The following LARGE1 variants were observed in gnomAD, a reference collection of about 807,000 sequenced individuals.
The protein encoded by LARGE1 is LARGE xylosyl- and glucuronyltransferase 1, also known as xylosyl- and glucuronyltransferase LARGE1.
In LARGE1, 43 loss-of-function variants were observed where a neutral mutation model predicts 87.6. The observed-to-expected ratio is 0.49, with a 90% confidence interval of 0.38 to 0.63. The LOEUF is 0.63. LARGE1 is among the 30% of genes least tolerant of loss of function. The probability of loss-of-function intolerance (pLI) is 0.00; values close to 1 mark genes in which losing one functional copy is unlikely to be tolerated. For synonymous variants in LARGE1, 434 were observed against 394.6 expected (o/e 1.10, Z -1.18); for missense variants, 802 against 1,000.2 (o/e 0.80, Z 2.67).
At chr22:33,611,761 C>CA (rs1362180730) in intron 4 of LARGE1, among the ~76,000 whole-genome samples, 1 of 152,188 alleles carries the variant, frequency 6.6e-6, no homozygotes, top group Admixed American at 6.5e-5. Context: ...TTCCCCCACT[C>CA]AAATCTCATG....
At chr22:33,697,589 G>A (rs1603190841) in intron 2 of LARGE1, among the ~76,000 whole-genome samples, 1 of 127,864 alleles carries the variant, frequency 7.8e-6, no homozygotes, top group Non-Finnish European at 1.6e-5. Context: ...ATCTCTTTCT[G>A]TTGAAGCTCA....
intron 11 of LARGE1, among the ~76,000 whole-genome samples, chr22:33,266,972 G>A (rs2145766485): frequency 1.3e-5 from 2 of 151,868 alleles, no homozygotes; most frequent in South Asian, 4.1e-4. Flanking sequence ...AGTCACAGTG[G>A]TTCATGCCTG....
chr22:33,793,497 T>C (rs1311247173), intron 1 of LARGE1, among the ~76,000 whole-genome samples: 1 of 152,148 alleles, frequency 6.6e-6, no homozygotes, highest in Non-Finnish European at 1.5e-5. Flanking sequence ...TTATTGCAAA[T>C]CCATTTAGGA....
intron 9 of LARGE1, among the ~76,000 whole-genome samples, chr22:33,363,893 G>C (rs1221312749): frequency 6.7e-6 from 1 of 149,026 alleles, no homozygotes; most frequent in East Asian, 1.9e-4. Context: ...TGGATGAAGG[G>C]ATGATTCACC....
intron 6 of LARGE1, among the ~76,000 whole-genome samples, chr22:33,432,698 A>G (rs1345186465): frequency 2.0e-5 from 3 of 152,234 alleles, no homozygotes; most frequent in Middle Eastern, 3.4e-3. Context: ...CCCACTGTAC[A>G]TTAATTTACT....
At chr22:33,701,969 T>C (rs143377136) in intron 2 of LARGE1, among the ~76,000 whole-genome samples, 32 of 152,290 alleles carry the variant, frequency 2.1e-4, no homozygotes, top group African/African-American at 7.7e-4. Flanking sequence ...TCTTGCGATT[T>C]TGCTAGTTCA....
intron 6 of LARGE1, among the ~76,000 whole-genome samples, chr22:33,452,063 A>C (rs1009620422): frequency 6.6e-6 from 1 of 152,194 alleles, no homozygotes; most frequent in Non-Finnish European, 1.5e-5. Flanking sequence ...TTGTTTATTC[A>C]TCTACACATT....
intron 1 of LARGE1, chr22:33,873,389 T>C (rs1455372240): frequency 6.6e-6 from 1 of 152,276 alleles, no homozygotes; most frequent in Non-Finnish European, 1.5e-5. Context: ...GAGTTATTTG[T>C]CTAGTCTGTT....
intron 9 of LARGE1, among the ~76,000 whole-genome samples, chr22:33,362,037 C>T (rs1271003401): frequency 1.3e-5 from 2 of 149,436 alleles, no homozygotes; most frequent in Non-Finnish European, 3.0e-5. Context: ...CAAAGTTTCA[C>T]AGAATTCTCT....
chr22:33,814,903 C>T (rs2086605257), intron 1 of LARGE1, among the ~76,000 whole-genome samples: 1 of 152,190 alleles, frequency 6.6e-6, no homozygotes, highest in Admixed American at 6.5e-5. Flanking sequence ...GAAGAAACTG[C>T]AGCTCCCTGC....
chr22:33,136,525 G>C, the LARGE1 span, among the ~76,000 whole-genome samples: 18 of 152,194 alleles, frequency 1.2e-4, no homozygotes, highest in East Asian at 3.5e-3. Flanking sequence ...GATTTGGGTG[G>C]GGCCACAGCC....
chr22:33,358,192 G>T (rs781321185), intron 9 of LARGE1, among the ~76,000 whole-genome samples: 1 of 152,188 alleles, frequency 6.6e-6, no homozygotes, highest in South Asian at 2.1e-4. Flanking sequence ...GCCCTTGGAC[G>T]CAGGTCATAC....
At chr22:33,652,373 C>A (rs1328681492) in intron 2 of LARGE1, among the ~76,000 whole-genome samples, 1 of 151,838 alleles carries the variant, frequency 6.6e-6, no homozygotes, top group Non-Finnish European at 1.5e-5. Flanking sequence ...AAAAAACAAA[C>A]ACTTATTAGT....
At chr22:33,267,378 T>C (rs1928010992) in intron 11 of LARGE1, among the ~76,000 whole-genome samples, 1 of 151,694 alleles carries the variant, frequency 6.6e-6, no homozygotes, top group African/African-American at 2.4e-5. Flanking sequence ...CTCTGAACAA[T>C]ATTAGAACGT....
At chr22:33,918,496 T>C (rs1461565930) in intron 1 of LARGE1, among the ~76,000 whole-genome samples, 1 of 152,190 alleles carries the variant, frequency 6.6e-6, no homozygotes, top group Non-Finnish European at 1.5e-5. Context: ...CCACAAGCAA[T>C]TTTCACTAAA....
chr22:33,892,692 C>T (rs924138025), intron 1 of LARGE1, among the ~76,000 whole-genome samples: 1 of 152,246 alleles, frequency 6.6e-6, no homozygotes, highest in African/African-American at 2.4e-5. Context: ...GTTTCACTAG[C>T]AGCCACTGTG....
At chr22:33,234,129 G>A (rs1223900994) in intron 11 of LARGE1, among the ~76,000 whole-genome samples, 1 of 152,222 alleles carries the variant, frequency 6.6e-6, no homozygotes, top group African/African-American at 2.4e-5. Flanking sequence ...TGTCAACAAG[G>A]AGTCTCTGCT....
the LARGE1 span, among the ~76,000 whole-genome samples, chr22:33,101,125 G>C: frequency 6.6e-6 from 1 of 152,108 alleles, no homozygotes; most frequent in African/African-American, 2.4e-5. Flanking sequence ...GATTACAGGC[G>C]TGAGCCACCA....
chr22:33,555,557 T>C (rs7287000), intron 6 of LARGE1, among the ~76,000 whole-genome samples: 1,915 of 152,200 alleles, frequency 0.013, 41 homozygotes, highest in African/African-American at 0.044. Context: ...CAGGGAATGA[T>C]CTGGAGGAGC....
Sources: allele counts gnomAD v4.1 joint callset (sites outside exome capture counted in the v4.1 genomes callset), GRCh38; gene constraint gnomAD v4.1.1; transcripts MANE v1.5; gene names NCBI Gene and HGNC (gene_info 2026-07-23, HGNC 2026-07-21).